The following TBC1D32 variants were observed in gnomAD, a reference collection of about 807,000 sequenced individuals.
TBC1D32 encodes TBC1 domain family member 32.
In TBC1D32, 151 loss-of-function variants were observed where a neutral mutation model predicts 170.3. That is an observed-to-expected ratio of 0.89 (90% CI 0.78 to 1.01). The LOEUF (loss-of-function observed/expected upper bound fraction) is 1.01. Among genes scored for constraint, TBC1D32 ranks in the 50% least tolerant of loss-of-function variants. TBC1D32 has a pLI of 0.00. For synonymous variants in TBC1D32, 498 were observed against 488.0 expected, an observed-to-expected ratio of 1.02 and a Z score of -0.27; for missense variants, 1,464 against 1,457.1, an observed-to-expected ratio of 1.00 and a Z score of -0.08.
chr6:121,162,965 C>CA (rs1785967848), intron 22 of TBC1D32: 1 of 97,168 alleles, frequency 1.0e-5, no homozygotes, highest in Non-Finnish European at 2.2e-5. Flanking sequence ...GGGTGACGGA[C>CA]GCACCTGGAA....
At chr6:121,110,104 A>G (rs1202696183) in intron 29 of TBC1D32, among the ~76,000 whole-genome samples, 2 of 151,712 alleles carry the variant, frequency 1.3e-5, no homozygotes, top group Admixed American at 6.6e-5. Flanking sequence ...ACAAAACATT[A>G]TCTGGGCGTG....
chr6:121,310,946 C>A, intron 3 of TBC1D32, 99 bp from the exon 4 acceptor site: 1 of 726,576 alleles, frequency 1.4e-6, no homozygotes, highest in South Asian at 1.7e-5. Context: ...AAAACACAAT[C>A]CAGACAAGAG....
At chr6:121,211,923 G>T (rs776582733) in intron 21 of TBC1D32, among the ~76,000 whole-genome samples, 1 of 151,650 alleles carries the variant, frequency 6.6e-6, no homozygotes, top group Non-Finnish European at 1.5e-5. Context: ...ACAGTTCCTC[G>T]ACCACAGTGC....
intron 22 of TBC1D32, among the ~76,000 whole-genome samples, chr6:121,173,608 G>A (rs1787363346): frequency 6.7e-6 from 1 of 149,816 alleles, no homozygotes; most frequent in Admixed American, 6.9e-5. Flanking sequence ...GGAGCACAGT[G>A]GAACCAGAAG....
intron 17 of TBC1D32, among the ~76,000 whole-genome samples, chr6:121,254,851 AAG>A (rs1672463918): frequency 6.6e-6 from 1 of 152,116 alleles, no homozygotes; most frequent in African/African-American, 2.4e-5. Context: ...GATATCTGTA[AAG>A]AAACATGGAG....
chr6:121,294,484 T>C, intron 11 of TBC1D32, 86 bp downstream of exon 11: 2 of 950,030 alleles, frequency 2.1e-6, no homozygotes, highest in Non-Finnish European at 3.2e-6. Context: ...CTAACAATCA[T>C]TAAAAAATAA....
In TBC1D32 at chr6:121,209,953, A is replaced by G. The variant is rs1432975453; in HGVS notation, c.2482-4790T>C. On this transcript the variant is annotated intron_variant, in intron 21 of 31. Transcript: ENST00000398212. ...AATTCAATTTGCATCTTTCTACCTAATACAATACCATGTTTACACATCATT... is the reference window on the plus strand; with the variant it reads ...AATTCAATTTGCATCTTTCTACCTAGTACAATACCATGTTTACACATCATT... Among the ~76,000 whole-genome samples the G allele has an allele frequency of 2.0e-5, 3 of 152,224 alleles. No individual in the cohort carries two copies. In the East Asian group the frequency reaches 5.8e-4, roughly 29 times the overall value.
At chr6:121,110,241 ACT>A (rs1234683425) in intron 29 of TBC1D32, among the ~76,000 whole-genome samples, 1 of 149,058 alleles carries the variant, frequency 6.7e-6, no homozygotes, top group Non-Finnish European at 1.5e-5. Context: ...ACAGAGTGAG[ACT>A]CTGTCTCAAA....
At position 121,092,293 on chromosome 6, in the gene TBC1D32, GTTTTTTTTTTTTTTT is replaced by G. The variant is rs1160372863; in HGVS notation, c.3466-1267_3466-1253del. Among the ~76,000 whole-genome samples the G allele has an allele frequency of 2.8e-4, 14 of 50,402 alleles. No individual in the cohort carries two copies. The South Asian group carries it at 0.01, about 36-fold the overall frequency. 33.1% of individuals were successfully genotyped at this position (50,402 alleles called of 152,430 possible). On this transcript the variant is annotated intron_variant, in intron 30 of 31. Coordinates refer to ENST00000398212, the MANE Select transcript of TBC1D32 (RefSeq NM_152730.6). ...AATATCTCTTCTCCTTCAGTTTTATGTTTTTTTTTTTTTTTTTTTTTTTTTTTTTTGGAGATGTGG... is the reference window on the plus strand; with the variant it reads ...AATATCTCTTCTCCTTCAGTTTTATGTTTTTTTTTTTTTTTGGAGATGTGG...
At chr6:121,116,250 T>C (rs1472429462) in intron 26 of TBC1D32, among the ~76,000 whole-genome samples, 1 of 151,588 alleles carries the variant, frequency 6.6e-6, no homozygotes, top group African/African-American at 2.4e-5. Flanking sequence ...GGCTCATTCA[T>C]CCCCTTAGTA....
intron 22 of TBC1D32, chr6:121,192,486 G>A (rs1411579351): frequency 1.3e-5 from 2 of 152,118 alleles, no homozygotes; most frequent in Non-Finnish European, 1.5e-5. Context: ...CTGTCTCCTG[G>A]CTTCAGAAGC....
At chr6:121,273,238 C>A (rs11964400) in intron 15 of TBC1D32, among the ~76,000 whole-genome samples, 17,572 of 151,200 alleles carry the variant, frequency 0.12, 1,455 homozygotes, top group Admixed American at 0.23. Flanking sequence ...TGCACATGTA[C>A]CCTAGAACTT....
intron 21 of TBC1D32, among the ~76,000 whole-genome samples, chr6:121,219,882 G>T (rs1008665818): frequency 6.6e-6 from 1 of 152,058 alleles, no homozygotes; most frequent in South Asian, 2.1e-4. Flanking sequence ...TAATTATTCC[G>T]TTATGAGGAC....
intron 22 of TBC1D32, among the ~76,000 whole-genome samples, chr6:121,198,208 T>A (rs932801883): frequency 7.4e-6 from 1 of 134,958 alleles, no homozygotes; most frequent in African/African-American, 2.7e-5. Context: ...ATTTTATATA[T>A]TATATATATG....
chr6:121,109,623 T>C (rs892343769), intron 29 of TBC1D32, among the ~76,000 whole-genome samples: 3 of 152,234 alleles, frequency 2.0e-5, no homozygotes, highest in South Asian at 2.1e-4. Context: ...AAAGAATAAC[T>C]ATTTCAACAT....
chr6:121,108,655 A>G (rs1199253467), intron 29 of TBC1D32, among the ~76,000 whole-genome samples: 4 of 151,676 alleles, frequency 2.6e-5, no homozygotes, highest in Non-Finnish European at 4.4e-5. Flanking sequence ...TAAAAGATTT[A>G]TGCTTAAAAA....
intron 15 of TBC1D32, among the ~76,000 whole-genome samples, chr6:121,270,671 C>A (rs906051623): frequency 2.0e-5 from 3 of 152,246 alleles, no homozygotes; most frequent in African/African-American, 7.2e-5. Flanking sequence ...CAGCCAAAAT[C>A]TACCAGAAGT....
chr6:121,223,215 G>T (rs1461794483), intron 21 of TBC1D32, 21 bp downstream of exon 21: 1 of 1,409,216 alleles, frequency 7.1e-7, no homozygotes. Context: ...AACAGAGAAA[G>T]ATTTAAAGAA....
chr6:121,233,530 C>T (rs182760320), intron 20 of TBC1D32, among the ~76,000 whole-genome samples: 1 of 152,130 alleles, frequency 6.6e-6, no homozygotes, highest in African/African-American at 2.4e-5. Flanking sequence ...ATAGCTACTC[C>T]TGCTCACTTT....
Sources: gnomAD v4.1 joint callset for allele counts (sites outside exome capture counted in the v4.1 genomes callset) on GRCh38, gnomAD v4.1.1 for gene constraint, MANE v1.5 for transcripts, NCBI Gene and HGNC (gene_info 2026-07-23, HGNC 2026-07-21) for gene names.